The following CHST8 variants were observed in gnomAD, a reference collection of about 807,000 sequenced individuals.
The protein encoded by CHST8 is GALNAC-4-ST1.
A neutral mutation model predicts 15.0 loss-of-function variants in CHST8; 10 were observed. The ratio of observed to expected loss-of-function variants is 0.67; its 90% CI spans 0.41 to 1.13. The LOEUF is 1.13. CHST8 is among the 50% of genes most tolerant of loss of function. The pLI, the probability that CHST8 is intolerant of heterozygous loss-of-function variation, is 0.00. For missense variants in CHST8, 634 were observed against 608.2 expected, an observed-to-expected ratio of 1.04 and a Z score of -0.45; for synonymous variants, 259 against 256.6, an observed-to-expected ratio of 1.01 and a Z score of -0.09.
chr19:33,699,825 C>T (rs1973297533), intron 3 of CHST8, among the ~76,000 whole-genome samples: 1 of 152,148 alleles, frequency 6.6e-6, no homozygotes, highest in African/African-American at 2.4e-5. Flanking sequence ...TGTCCAGCTC[C>T]TACAGTGACT....
chr19:33,696,797 G>T (rs1599561677), intron 3 of CHST8, among the ~76,000 whole-genome samples: 1 of 151,466 alleles, frequency 6.6e-6, no homozygotes, highest in Non-Finnish European at 1.5e-5. Context: ...GCAGTGAAAA[G>T]CGTTCCCTTT....
rs778871131 is a variant in CHST8, at chr19:33,772,295, G to A, written c.507G>A (p.Ala169=). The A allele has an allele frequency of 6.9e-6, 11 of 1,602,442 alleles. No homozygotes were observed. Among genetic ancestry groups the A allele is most frequent in the Non-Finnish European group, 8.5e-6 (10 of 1,179,056 alleles). ...VMQEACAKYR[A]SSSRRAVTPR... ...AGGAGGCCTGCGCCAAGTACCGGGC[G>A]AGCAGCAGCCGCCGGGCCGTCACGC... Residue 169 remains alanine (A), a synonymous_variant, in exon 5 of 5, where the codon GCG becomes GCA. Transcript: ENST00000650847.
intron 3 of CHST8, among the ~76,000 whole-genome samples, chr19:33,761,252 C>T (rs1469288026): frequency 6.6e-6 from 1 of 152,210 alleles, no homozygotes; most frequent in Non-Finnish European, 1.5e-5. Context: ...CCTGTAATCC[C>T]ACCACTTTGG....
At chr19:33,690,418 C>T (rs749431477) in intron 3 of CHST8, among the ~76,000 whole-genome samples, 20 of 152,172 alleles carry the variant, frequency 1.3e-4, no homozygotes, top group Non-Finnish European at 5.9e-5. Flanking sequence ...CCGCTCCGCC[C>T]CCATTATGGA....
chr19:33,665,408 G>T (rs547789683), intron 1 of CHST8, among the ~76,000 whole-genome samples: 1 of 152,298 alleles, frequency 6.6e-6, no homozygotes, highest in South Asian at 2.1e-4. Context: ...TAATGTGAAG[G>T]CACCCACAGA....
At chr19:33,655,851 T>C (rs970993940) in intron 1 of CHST8, among the ~76,000 whole-genome samples, 3 of 152,210 alleles carry the variant, frequency 2.0e-5, no homozygotes, top group African/African-American at 7.2e-5. Flanking sequence ...TCAAATTTAT[T>C]TATTCATCCT....
rs147616341 is a variant in CHST8 at position 33,773,245 on chromosome 19, C to T, written c.*182C>T. ...AGGCGCCCAGCCTTGGATGGGGACCCCAGCCCCTGGCCTGTACCTGTTTCC... is the reference window on the plus strand; with the variant it reads ...AGGCGCCCAGCCTTGGATGGGGACCTCAGCCCCTGGCCTGTACCTGTTTCC... On this transcript the variant is annotated 3_prime_UTR_variant, in exon 5 of 5. Coordinates refer to ENST00000650847, the MANE Select transcript of CHST8 (RefSeq NM_001127895.2). 4.8e-4 allele frequency: 318 copies of T among 661,756 alleles called. 2 individuals carry two copies. The East Asian group carries it at 8.6e-3, about 18-fold the overall frequency. The allele number at this position is 661,756 out of a possible 1,614,324, so 41.0% of individuals were successfully genotyped here. A position where few individuals can be genotyped will look rare whatever the true frequency, so the allele number is the denominator to read the frequency against.
rs149092594 is a variant in CHST8 at position 33,759,604 on chromosome 19, C to T, written c.131-11809C>T. Reference sequence around the variant, plus strand: ...CTCCCACAGGCACGTCTGCCCCCCGCACCTCTGACCAGCCACCCCTGATCC... The same window carrying T: ...CTCCCACAGGCACGTCTGCCCCCCGTACCTCTGACCAGCCACCCCTGATCC... On this transcript the variant is annotated intron_variant, in intron 3 of 4. Transcript: ENST00000650847. 4.3e-3 allele frequency among the ~76,000 whole-genome samples: 651 copies of T among 152,354 alleles called. 1 individual carries two copies. The highest frequency in any genetic ancestry group is 6.8e-3 in the Middle Eastern group (2 of 294).
chr19:33,772,040 G>T lies in CHST8; in HGVS notation c.252G>T (p.Pro84=), dbSNP rs373583449. 12 of 1,612,042 alleles carry T rather than the reference G, an allele frequency of 7.4e-6. No homozygotes were observed. The highest frequency in any genetic ancestry group is 2.7e-5 in the African/African-American group (2 of 74,910). Residue 84 remains proline, a synonymous_variant, in exon 5 of 5, where the codon CCG becomes CCT. Coordinates refer to ENST00000650847, the MANE Select transcript of CHST8 (RefSeq NM_001127895.2). ...CTCGGGACTTATCCAGTGGGGCCCC[G>T]AGGGGCCGCAACCTGCCAGCGCCTG... is the stretch of plus-strand genomic sequence containing the variant. The part of the protein sequence containing the change: ...RVTRDLSSGA[P]RGRNLPAPDQ...
chr19:33,660,967 A>G (rs1972578125), intron 1 of CHST8, among the ~76,000 whole-genome samples: 1 of 152,024 alleles, frequency 6.6e-6, no homozygotes, highest in African/African-American at 2.4e-5. Flanking sequence ...GTCCTGCATC[A>G]CTAGTAGCCT....
chr19:33,695,044 C>A (rs564240761), intron 3 of CHST8, among the ~76,000 whole-genome samples: 1 of 152,052 alleles, frequency 6.6e-6, no homozygotes, highest in East Asian at 1.9e-4. Flanking sequence ...CAGCTTTGAC[C>A]TCCTGGGCTC....
chr19:33,714,614 C>T (rs955895482), intron 3 of CHST8, among the ~76,000 whole-genome samples: 32 of 152,288 alleles, frequency 2.1e-4, no homozygotes, highest in African/African-American at 7.7e-4. Context: ...GCTGTGTCCC[C>T]ATCCAAATCT....
chr19:33,638,114 C>T (rs1330811400), intron 1 of CHST8, among the ~76,000 whole-genome samples: 1 of 152,050 alleles, frequency 6.6e-6, no homozygotes, highest in Non-Finnish European at 1.5e-5. Flanking sequence ...CAGAGCCTCA[C>T]CAATTTCAGG....
chr19:33,678,668 G>T (rs1972842302), intron 2 of CHST8, among the ~76,000 whole-genome samples: 1 of 152,196 alleles, frequency 6.6e-6, no homozygotes, highest in South Asian at 2.1e-4. Flanking sequence ...GAGCCCAGAA[G>T]TTTGAGGCTG....
intron 3 of CHST8, among the ~76,000 whole-genome samples, chr19:33,695,610 T>C (rs1299161058): frequency 6.6e-6 from 1 of 151,978 alleles, no homozygotes; most frequent in Non-Finnish European, 1.5e-5. Flanking sequence ...ATTGTATCAC[T>C]TTATGCCTTT....
chr19:33,772,700 TG>T lies in CHST8; in HGVS notation c.916del (p.Val306CysfsTer40). On this transcript the variant is annotated frameshift_variant, in exon 5 of 5. Coordinates refer to ENST00000650847, the MANE Select transcript of CHST8 (RefSeq NM_001127895.2). LOFTEE classifies it high-confidence loss of function. ...ASREALRTGS[G>X]VRFPEFVQYL... ...CTCGGGAGGCCCTGCGGACCGGCTC[TG>T]GGGTGCGTTTTCCCGAGTTCGTCCA... 2 of 1,613,502 alleles carry T rather than the reference TG, an allele frequency of 1.2e-6. No individual in the cohort carries two copies. Among genetic ancestry groups the T allele is most frequent in the East Asian group, 4.5e-5 (2 of 44,856 alleles).
intron 2 of CHST8, among the ~76,000 whole-genome samples, chr19:33,669,055 A>C (rs1162046032): frequency 1.3e-5 from 2 of 152,162 alleles, no homozygotes; most frequent in Non-Finnish European, 2.9e-5. Context: ...TATGAGAGGG[A>C]AATCAAAGGG....
At chr19:33,717,497 T>G (rs765275545) in intron 3 of CHST8, among the ~76,000 whole-genome samples, 7 of 151,556 alleles carry the variant, frequency 4.6e-5, no homozygotes, top group Non-Finnish European at 8.8e-5. Context: ...AAGAAAGGAG[T>G]GCCGGCAGAC....
chr19:33,689,142 C>T, intron 2 of CHST8, 34 bp from the exon 3 acceptor site: 2 of 1,289,554 alleles, frequency 1.6e-6, no homozygotes, highest in African/African-American at 3.1e-5. Flanking sequence ...GTGCCTCGCG[C>T]CTCGGTGATG....
Sources: allele counts gnomAD v4.1 joint callset (sites outside exome capture counted in the v4.1 genomes callset), GRCh38; gene constraint gnomAD v4.1.1; transcripts MANE v1.5; gene names NCBI Gene and HGNC (gene_info 2026-07-23, HGNC 2026-07-21).